SGCD: variants seen among roughly 807,000 people sequenced by gnomAD.
The protein encoded by SGCD is delta-sarcoglycan.
SGCD carries 18 observed loss-of-function variants against 36.6 expected under a neutral mutation model. The ratio of observed to expected loss-of-function variants is 0.49; its 90% confidence interval spans 0.34 to 0.73. The LOEUF is 0.73. SGCD is among the 30% of genes least tolerant of loss of function. The probability of loss-of-function intolerance (pLI) is 0.01; values close to 1 mark genes in which losing one functional copy is unlikely to be tolerated. For synonymous variants in SGCD, 133 were observed against 130.6 expected, an observed-to-expected ratio of 1.02 and a Z score of -0.12; for missense variants, 387 against 346.7, an observed-to-expected ratio of 1.12 and a Z score of -0.92.
At chr5:156,277,877 A>G (rs1049178307) in intron 3 of SGCD, among the ~76,000 whole-genome samples, 1 of 152,188 alleles carries the variant, frequency 6.6e-6, no homozygotes, top group Non-Finnish European at 1.5e-5. Flanking sequence ...GTCACCAGAC[A>G]TAAACAAGAC....
intron 3 of SGCD, among the ~76,000 whole-genome samples, chr5:156,171,598 T>C (rs1410078243): frequency 2.6e-5 from 4 of 152,216 alleles, no homozygotes; most frequent in African/African-American, 9.7e-5. Flanking sequence ...CAAATGTTAA[T>C]TTCTGTTTCC....
At chr5:156,748,616 C>T (rs1757033430) in intron 7 of SGCD, among the ~76,000 whole-genome samples, 1 of 151,954 alleles carries the variant, frequency 6.6e-6, no homozygotes, top group Admixed American at 6.6e-5. Context: ...TAATAACATG[C>T]CTCTTTTAGT....
intron 3 of SGCD, among the ~76,000 whole-genome samples, chr5:156,413,797 A>T (rs6556587): frequency 0.7 from 107,164 of 152,156 alleles, 39,138 homozygotes; most frequent in African/African-American, 0.9. Context: ...ATGGATTTCT[A>T]ATAGGTTAGC....
chr5:156,590,601 A>C (rs1437900582), intron 5 of SGCD, among the ~76,000 whole-genome samples: 1 of 152,184 alleles, frequency 6.6e-6, no homozygotes, highest in African/African-American at 2.4e-5. Flanking sequence ...CCAGATTTTC[A>C]CATTCAAAAG....
chr5:156,229,179 A>T (rs969909077), intron 3 of SGCD, among the ~76,000 whole-genome samples: 29 of 149,600 alleles, frequency 1.9e-4, no homozygotes, highest in African/African-American at 6.6e-4. Flanking sequence ...CAGGTGGCCT[A>T]TTGTGGGACC....
chr5:156,090,226 C>G (rs542936017), intron 1 of SGCD, among the ~76,000 whole-genome samples: 51 of 152,312 alleles, frequency 3.3e-4, no homozygotes, highest in Non-Finnish European at 5.4e-4. Context: ...GTTAGGAGCT[C>G]TCTCTTTTTC....
intron 3 of SGCD, among the ~76,000 whole-genome samples, chr5:156,474,849 G>A (rs1434055400): frequency 6.6e-6 from 1 of 152,136 alleles, no homozygotes; most frequent in Non-Finnish European, 1.5e-5. Context: ...GATCTCAGTG[G>A]TTCAGCACTT....
intron 3 of SGCD, among the ~76,000 whole-genome samples, chr5:156,366,303 T>G (rs1770104864): frequency 1.3e-5 from 2 of 152,040 alleles, no homozygotes; most frequent in African/African-American, 4.8e-5. Context: ...GAAGAAAGGT[T>G]TAGAAAATTG....
intron 7 of SGCD, among the ~76,000 whole-genome samples, chr5:156,652,590 T>C (rs1442416281): frequency 6.6e-6 from 1 of 152,164 alleles, no homozygotes; most frequent in African/African-American, 2.4e-5. Flanking sequence ...TTCTCTTGCC[T>C]GATTGCTGCG....
the SGCD span, among the ~76,000 whole-genome samples, chr5:155,782,122 T>C: frequency 2.6e-5 from 4 of 151,474 alleles, no homozygotes; most frequent in African/African-American, 9.7e-5. Context: ...CCTCCTGGGT[T>C]CAAGTGATTC....
chr5:155,734,568 A>G, the SGCD span, among the ~76,000 whole-genome samples: 3 of 152,088 alleles, frequency 2.0e-5, no homozygotes, highest in Non-Finnish European at 2.9e-5. Context: ...TAAACTCCCC[A>G]TACCCTTACT....
Position 156,738,863 on chromosome 5 carries a change from T to A in SGCD, c.576-18718T>A, listed in dbSNP as rs181258757. On this transcript the variant is annotated intron_variant, in intron 7 of 8. Coordinates refer to ENST00000337851, the MANE Select transcript of SGCD (RefSeq NM_000337.6). The stretch of plus-strand genomic sequence containing the variant: ...ATCTCTTTTGAACATGAGAAATAGC[T>A]CAGCCTCAAAAAGCCTTCTCCAAGG... 2.2e-3 allele frequency among the ~76,000 whole-genome samples: 339 copies of A among 152,304 alleles called. 2 individuals are homozygous for A. Among genetic ancestry groups the A allele is most frequent in the African/African-American group, 7.9e-3 (330 of 41,572 alleles).
At chr5:156,679,197 T>A (rs1396021226) in intron 7 of SGCD, among the ~76,000 whole-genome samples, 1 of 152,222 alleles carries the variant, frequency 6.6e-6, no homozygotes, top group Non-Finnish European at 1.5e-5. Flanking sequence ...AACGTCTTTC[T>A]AAGGACCTCC....
rs529596579 is a variant in SGCD at position 155,963,567 on chromosome 5, C to G, written c.-282+93143C>G. 1.2e-3 allele frequency among the ~76,000 whole-genome samples: 178 copies of G among 152,138 alleles called. 1 individual carries two copies. The highest frequency in any genetic ancestry group is 4.1e-3 in the African/African-American group (171 of 41,534). ...TACTAGGTATTGTCCTAATTTTATT[C>G]CACGTATTGCCTTATTTAATCCTCA... On this transcript the variant is annotated intron_variant, in intron 1 of 9. Coordinates refer to the SGCD transcript ENST00000517913.
intron 3 of SGCD, among the ~76,000 whole-genome samples, chr5:156,283,725 C>G (rs910282323): frequency 6.6e-6 from 1 of 152,174 alleles, no homozygotes; most frequent in Non-Finnish European, 1.5e-5. Context: ...GGACCCATTC[C>G]TAGAGTTCTG....
At chr5:155,832,170 G>A in the SGCD span, among the ~76,000 whole-genome samples, 30 of 152,162 alleles carry the variant, frequency 2.0e-4, no homozygotes, top group Non-Finnish European at 2.9e-5. Flanking sequence ...TTCCGCAAAT[G>A]AAAGAGAGAT....
At chr5:156,054,978 G>A (rs1581066596) in intron 1 of SGCD, among the ~76,000 whole-genome samples, 1 of 145,900 alleles carries the variant, frequency 6.9e-6, no homozygotes, top group South Asian at 2.1e-4. Context: ...GTTTATAGGT[G>A]TGGTCCAAAA....
chr5:155,801,054 A>ATC, the SGCD span, among the ~76,000 whole-genome samples: 118 of 152,158 alleles, frequency 7.8e-4, no homozygotes, highest in Non-Finnish European at 1.3e-3. Context: ...TCTGGTGTTC[A>ATC]TCTCTCTTCC....
the SGCD span, among the ~76,000 whole-genome samples, chr5:155,836,724 C>T: frequency 1.3e-5 from 2 of 152,080 alleles, no homozygotes; most frequent in Non-Finnish European, 2.9e-5. Context: ...TTTTATTTTT[C>T]CTTGTTCTCC....
Sources: gnomAD v4.1 joint callset for allele counts (sites outside exome capture counted in the v4.1 genomes callset) on GRCh38, gnomAD v4.1.1 for gene constraint, MANE v1.5 for transcripts, NCBI Gene and HGNC (gene_info 2026-07-23, HGNC 2026-07-21) for gene names.